Variants in GALNT11 observed in about 807,000 individuals in gnomAD.
GALNT11 encodes UDP-GalNAc:polypeptide N-acetylgalactosaminyltransferase 11.
In GALNT11, 47 loss-of-function variants were observed where a neutral mutation model predicts 72.7. The ratio of observed to expected loss-of-function variants is 0.65; its 90% confidence interval spans 0.51 to 0.82. GALNT11 has a LOEUF of 0.82. GALNT11 is among the 40% of genes least tolerant of loss of function. The pLI, the probability that GALNT11 is intolerant of heterozygous loss-of-function variation, is 0.00. For synonymous variants in GALNT11, 270 were observed against 286.6 expected, an observed-to-expected ratio of 0.94 and a Z score of 0.58; for missense variants, 677 against 778.4, an observed-to-expected ratio of 0.87 and a Z score of 1.55.
chr7:152,028,102 G>A (rs1246063631), intron 1 of GALNT11, among the ~76,000 whole-genome samples: 1 of 152,238 alleles, frequency 6.6e-6, no homozygotes, highest in Non-Finnish European at 1.5e-5. Flanking sequence ...CAAAGAGTGA[G>A]CAGCAGCAAG....
At chr7:152,109,294 GCA>G (rs2087926958) in intron 6 of GALNT11, among the ~76,000 whole-genome samples, 1 of 152,200 alleles carries the variant, frequency 6.6e-6, no homozygotes, top group South Asian at 2.1e-4. Context: ...TTCTAGGTTG[GCA>G]ATAGCAGACA....
chr7:152,038,184 G>GAC (rs1338772520), intron 1 of GALNT11, among the ~76,000 whole-genome samples: 3 of 152,154 alleles, frequency 2.0e-5, no homozygotes, highest in Non-Finnish European at 2.9e-5. Context: ...AGGAATTAAA[G>GAC]ACACACACAC....
intron 1 of GALNT11, among the ~76,000 whole-genome samples, chr7:152,053,759 C>T (rs2083510828): frequency 6.6e-6 from 1 of 152,146 alleles, no homozygotes; most frequent in Non-Finnish European, 1.5e-5. Context: ...TTTGGGAGGC[C>T]AAGGTGGGAG....
At chr7:152,079,584 C>A (rs1293626589) in intron 1 of GALNT11, among the ~76,000 whole-genome samples, 2 of 152,202 alleles carry the variant, frequency 1.3e-5, no homozygotes, top group Admixed American at 1.3e-4. Context: ...TCATAAATAT[C>A]AGGGATGTCT....
chr7:152,030,471 G>T (rs924986808), intron 1 of GALNT11, among the ~76,000 whole-genome samples: 1 of 152,082 alleles, frequency 6.6e-6, no homozygotes, highest in Non-Finnish European at 1.5e-5. Flanking sequence ...AATGATTAAT[G>T]ATATTCATAT....
At chr7:152,044,297 A>G (rs2083012449) in intron 1 of GALNT11, among the ~76,000 whole-genome samples, 1 of 152,232 alleles carries the variant, frequency 6.6e-6, no homozygotes, top group Non-Finnish European at 1.5e-5. Flanking sequence ...GGTTACCTGC[A>G]GCATGAACTT....
chr7:152,028,260 A>T (rs1250739722), intron 1 of GALNT11, among the ~76,000 whole-genome samples: 1 of 152,178 alleles, frequency 6.6e-6, no homozygotes, highest in Admixed American at 6.5e-5. Flanking sequence ...CAGAGAGCTG[A>T]TTAGTCCATT....
chr7:152,041,661 C>G (rs2082867387), intron 1 of GALNT11, among the ~76,000 whole-genome samples: 1 of 152,224 alleles, frequency 6.6e-6, no homozygotes, highest in Non-Finnish European at 1.5e-5. Flanking sequence ...TCAGCTGTAA[C>G]TCTGCCTCAG....
intron 11 of GALNT11, 40 bp downstream of exon 11, chr7:152,121,008 C>A: frequency 6.3e-7 from 1 of 1,593,820 alleles, no homozygotes; most frequent in Non-Finnish European, 8.5e-7. Context: ...TGCGCAGAGG[C>A]CCACAAGGTT....
chr7:152,118,947 A>T, intron 10 of GALNT11, 165 bp downstream of exon 10: 1 of 504,108 alleles, frequency 2.0e-6, no homozygotes, highest in Non-Finnish European at 3.4e-6. Flanking sequence ...TATGGGGGTT[A>T]TCTATATCCT....
chr7:152,090,275 CT>C lies in GALNT11; in HGVS notation c.-38-3911del, dbSNP rs1220816536. ...GTTTCATTTTATTAATTTTACTGAT[CT>C]TTTAAAGAACCAGCATTTGGCTTCT... On this transcript the variant is annotated intron_variant, in intron 1 of 11. Transcript: ENST00000430044. Among the ~76,000 whole-genome samples the C allele has an allele frequency of 2.0e-5, 3 of 152,284 alleles. No individual in the cohort carries two copies. The East Asian group carries it at 5.8e-4, about 29-fold the overall frequency.
chr7:152,040,329 G>T (rs2082795060), intron 1 of GALNT11, among the ~76,000 whole-genome samples: 1 of 152,116 alleles, frequency 6.6e-6, no homozygotes, highest in Admixed American at 6.5e-5. Context: ...TTGCCAAAGA[G>T]AATTAGGTTC....
chr7:152,095,241 T>G (rs2086299069), intron 2 of GALNT11, among the ~76,000 whole-genome samples: 1 of 152,176 alleles, frequency 6.6e-6, no homozygotes, highest in South Asian at 2.1e-4. Flanking sequence ...AAGACTCTAT[T>G]GTCTATGCCT....
intron 1 of GALNT11, among the ~76,000 whole-genome samples, chr7:152,044,603 C>T (rs1001419307): frequency 1.3e-5 from 2 of 152,080 alleles, no homozygotes; most frequent in African/African-American, 2.4e-5. Context: ...TGTTTGCTGT[C>T]GGCCTAGAGA....
Position 152,100,059 on chromosome 7 carries a change from G to A in GALNT11, c.296-739G>A, listed in dbSNP as rs981939871. Among the ~76,000 whole-genome samples the A allele has an allele frequency of 7.9e-4, 120 of 151,038 alleles. 1 individual carries two copies. Among genetic ancestry groups the A allele is most frequent in the African/African-American group, 2.8e-3 (117 of 41,226 alleles). Reference sequence around the variant, plus strand: ...CTCCCAAAGTGCTGGGATCACAGGCGTGAGCCATTGCGTCTGACCCGGGAA... The same window carrying A: ...CTCCCAAAGTGCTGGGATCACAGGCATGAGCCATTGCGTCTGACCCGGGAA... On this transcript the variant is annotated intron_variant, in intron 2 of 11. Transcript: ENST00000430044.
Position 152,121,853 on chromosome 7 carries a change from C to T in GALNT11, c.*176C>T, listed in dbSNP as rs1046208759. ...AGAGGTGACACGTGTCTGACAGAGA[C>T]GGGAGCTCTGAGTGTCCACGGGTGA... On this transcript the variant is annotated 3_prime_UTR_variant, in exon 12 of 12. Transcript: ENST00000430044. 3.1e-5 allele frequency: 22 copies of T among 701,170 alleles called. No individual in the cohort carries two copies. The highest frequency in any genetic ancestry group is 4.5e-5 in the South Asian group (2 of 44,810). The allele number at this position is 701,170 out of a possible 1,614,324, so 43.4% of individuals were successfully genotyped here.
At chr7:152,044,325 C>T (rs909479813) in intron 1 of GALNT11, among the ~76,000 whole-genome samples, 16 of 152,176 alleles carry the variant, frequency 1.1e-4, no homozygotes, top group African/African-American at 3.1e-4. Context: ...AGGCACAGCT[C>T]GCTCATGCTA....
At chr7:152,121,007 G>T in intron 11 of GALNT11, 39 bp downstream of exon 11, 2 of 1,597,982 alleles carry the variant, frequency 1.3e-6, no homozygotes, top group Non-Finnish European at 1.7e-6. Flanking sequence ...ATGCGCAGAG[G>T]CCCACAAGGT....
At chr7:152,089,235 G>A (rs2085848335) in intron 1 of GALNT11, among the ~76,000 whole-genome samples, 1 of 152,156 alleles carries the variant, frequency 6.6e-6, no homozygotes, top group Admixed American at 6.5e-5. Flanking sequence ...GGGACCAGTT[G>A]AGTCATGAGT....
Sources: gnomAD v4.1 joint callset for allele counts (sites outside exome capture counted in the v4.1 genomes callset) on GRCh38, gnomAD v4.1.1 for gene constraint, MANE v1.5 for transcripts, NCBI Gene and HGNC (gene_info 2026-07-23, HGNC 2026-07-21) for gene names.